The following NBPF26 variants were observed in gnomAD, a reference collection of about 807,000 sequenced individuals.
NBPF26 encodes NBPF member 26.
NBPF26 carries 79 observed loss-of-function variants against 119.6 expected under a neutral mutation model. The ratio of observed to expected loss-of-function variants is 0.66; its 90% CI spans 0.55 to 0.80. The LOEUF (loss-of-function observed/expected upper bound fraction) is 0.80, where lower values mean the gene tolerates loss of function less well. NBPF26 is among the 30% of genes least tolerant of loss of function. NBPF26 has a pLI of 0.00. For synonymous variants in NBPF26, 299 were observed against 457.7 expected (o/e 0.65, Z 4.43); for missense variants, 800 against 1,198.2 (o/e 0.67, Z 4.91).
chr1:120,785,015 A>G (rs1651405317), exon 3 of NBPF26: 1 of 1,421,888 alleles, frequency 7.0e-7, no homozygotes, highest in African/African-American at 2.7e-5. Flanking sequence ...CAACATCGAG[A>G]CCCCTGTGAG....
rs1369284772 is a variant in NBPF26 at position 120,767,898 on chromosome 1, TTGTC to T, written c.155+4192_155+4195del. On this transcript the variant is annotated intron_variant, in intron 2 of 29. Coordinates refer to ENST00000620612, the Ensembl canonical transcript of NBPF26. ...CATTTATTGTAGTTATTTAAAATCT[TTGTC>T]TGCTGGTTCTTAACAACTGGGTTGT... is the stretch of plus-strand genomic sequence containing the variant. Among the ~76,000 whole-genome samples the T allele has an allele frequency of 1.7e-5, 2 of 116,668 alleles. 1 individual carries two copies. The highest frequency in any genetic ancestry group is 3.3e-5 in the Non-Finnish European group (2 of 60,966). The allele number at this position is 116,668 out of a possible 152,430, so 76.5% of individuals were successfully genotyped here.
At chr1:120,804,982 A>C (rs1651645884) in intron 4 of NBPF26, among the ~76,000 whole-genome samples, 1 of 119,756 alleles carries the variant, frequency 8.4e-6, no homozygotes, top group South Asian at 2.5e-4. Context: ...AACTGAGAGC[A>C]GGTGGGGTGA....
At chr1:120,806,991 C>T (rs1651707826) in intron 5 of NBPF26, among the ~76,000 whole-genome samples, 1 of 128,764 alleles carries the variant, frequency 7.8e-6, no homozygotes, top group African/African-American at 3.6e-5. Flanking sequence ...TATGCTGTTT[C>T]TAAATTAACA....
In NBPF26 at chr1:120,811,568, A is replaced by G. The variant is rs1337997393; in HGVS notation, c.1565-318A>G. On this transcript the variant is annotated intron_variant, in intron 9 of 29. Coordinates refer to ENST00000620612, the Ensembl canonical transcript of NBPF26. ...TCAAACAAAAAAACCAAAAAAGAAA[A>G]TTAAGCAAAACGAAATCTTTTGTGC... is the stretch of plus-strand genomic sequence containing the variant. Among the ~76,000 whole-genome samples, 429 of 113,160 alleles carry G rather than the reference A, an allele frequency of 3.8e-3. 131 individuals carry two copies. The highest frequency in any genetic ancestry group is 5.9e-3 in the Non-Finnish European group (344 of 57,926). 74.2% of individuals were successfully genotyped at this position (113,160 alleles called of 152,430 possible).
intron 1 of NBPF26, 148 bp downstream of exon 1, chr1:120,724,398 G>T: frequency 7.4e-7 from 1 of 1,346,342 alleles, no homozygotes; most frequent in South Asian, 1.3e-5. Flanking sequence ...CCAAGAGTTT[G>T]GACATCGCCG....
In NBPF26 at chr1:120,776,144, A is replaced by G. The variant is rs1651305032; in HGVS notation, c.156-8830A>G. Among the ~76,000 whole-genome samples, 5 of 116,742 alleles carry G rather than the reference A, an allele frequency of 4.3e-5. 2 individuals carry two copies. Among genetic ancestry groups the G allele is most frequent in the Admixed American group, 4.1e-4 (5 of 12,220 alleles). 76.6% of individuals were successfully genotyped at this position (116,742 alleles called of 152,430 possible). The stretch of plus-strand genomic sequence containing the variant: ...GTTGAATGCCTTCTATATGCCAGTC[A>G]TTGTGTTAGGCACTGGGAGTATGAG... On this transcript the variant is annotated intron_variant, in intron 2 of 29. Transcript: ENST00000620612.
intron 3 of NBPF26, among the ~76,000 whole-genome samples, chr1:120,791,771 G>T (rs1173214420): frequency 1.4e-5 from 1 of 73,934 alleles, no homozygotes; most frequent in African/African-American, 1.3e-4. Context: ...TGTTGTGCAC[G>T]TGTACCCTAG....
rs1650795294 is a variant in NBPF26, at chr1:120,724,552, G to T, written c.73+302G>T. On this transcript the variant is annotated intron_variant, in intron 1 of 29. Transcript: ENST00000620612. ...AACTCCTTTTTCGTAGTGCCAGGGT[G>T]CAGGGAGGTGGGCAGTTTTGCCCTT... 2.6e-5 allele frequency among the ~76,000 whole-genome samples: 3 copies of T among 116,256 alleles called. 1 individual carries two copies. The highest frequency in any genetic ancestry group is 4.7e-5 in the African/African-American group (1 of 21,054). 76.3% of individuals were successfully genotyped at this position (116,256 alleles called of 152,430 possible).
intron 16 of NBPF26, 42 bp downstream of exon 16, chr1:120,822,309 GCCCAGGTAGAC>G: frequency 1.2e-6 from 1 of 817,744 alleles, no homozygotes; most frequent in Non-Finnish European, 1.8e-6. Flanking sequence ...CCAGTTCATG[GCCCAGGTAGAC>G]CCCATAATCT....
At chr1:120,806,975 TAAG>T (rs1571034327) in intron 5 of NBPF26, among the ~76,000 whole-genome samples, 8,318 of 127,464 alleles carry the variant, frequency 0.065, 2,541 homozygotes, top group African/African-American at 0.21. Flanking sequence ...TAACACTAAC[TAAG>T]CTTATGCTGT....
At position 120,819,327 on chromosome 1, in the gene NBPF26, G is replaced by T. The variant is rs1283251480; in HGVS notation, c.2423+1153G>T. 8.8e-4 allele frequency among the ~76,000 whole-genome samples: 100 copies of T among 113,806 alleles called. 3 individuals carry two copies. Among genetic ancestry groups the T allele is most frequent in the African/African-American group, 4.1e-3 (81 of 19,610 alleles). The allele number at this position is 113,806 out of a possible 152,430, so 74.7% of individuals were successfully genotyped here. A position where few individuals can be genotyped will look rare whatever the true frequency, so the allele number is the denominator to read the frequency against. On this transcript the variant is annotated intron_variant, in intron 15 of 29. Transcript: ENST00000620612. ...CCTGCCTTTTTTTTGTTTTCCATTT[G>T]CTTGGTAGATCTTCCTCCATCCCTT...
chr1:120,749,728 G>A lies in NBPF26; in HGVS notation c.74-13900G>A, dbSNP rs1398155031. ...AAAATTCTAAACAATTTCAGTCATA[G>A]GGTAGTTTTTTTTTTTTTTTCCTGG... On this transcript the variant is annotated intron_variant, in intron 1 of 29. Coordinates refer to ENST00000620612, the Ensembl canonical transcript of NBPF26. 8.3e-4 allele frequency among the ~76,000 whole-genome samples: 20 copies of A among 24,080 alleles called. 10 individuals carry two copies. In the African/African-American group the frequency reaches 0.013, roughly 16 times the overall value. 15.8% of individuals were successfully genotyped at this position (24,080 alleles called of 152,430 possible).
chr1:120,823,990 C>T (rs1553272406), exon 18 of NBPF26: 10 of 869,234 alleles, frequency 1.2e-5, no homozygotes, highest in East Asian at 2.5e-5. Flanking sequence ...CAGAGAGCTG[C>T]TGGATGAGAA....
At position 120,812,127 on chromosome 1, in the gene NBPF26, G is replaced by C; in HGVS notation, c.1774+32G>C. On this transcript the variant is annotated intron_variant, in intron 10 of 29. Transcript: ENST00000620612. ...TCTATTGGCTCACCATCACGAAAGT[G>C]ATGAACGAGGTCCTGTCTTCTCTCT... 11 of 1,086,298 alleles carry C rather than the reference G, an allele frequency of 1.0e-5. No individual in the cohort carries two copies. The East Asian group carries it at 2.6e-4, about 26-fold the overall frequency. The allele number at this position is 1,086,298 out of a possible 1,614,324, so 67.3% of individuals were successfully genotyped here. A position where few individuals can be genotyped will look rare whatever the true frequency, so the allele number is the denominator to read the frequency against.
intron 1 of NBPF26, among the ~76,000 whole-genome samples, chr1:120,753,275 G>C (rs1651046250): frequency 8.9e-6 from 1 of 112,678 alleles, no homozygotes; most frequent in Non-Finnish European, 1.7e-5. Flanking sequence ...CTGGAATTTG[G>C]GTACAGGAAT....
chr1:120,840,676 A>C (rs1652500067), downstream of NBPF26: 4 of 1,416,938 alleles, frequency 2.8e-6, no homozygotes, highest in Non-Finnish European at 3.8e-6. Flanking sequence ...GTACAGTTCC[A>C]TTTGGAAGCC....
chr1:120,823,696 G>T (rs1553272328), intron 17 of NBPF26, among the ~76,000 whole-genome samples: 1 of 118,772 alleles, frequency 8.4e-6, no homozygotes, highest in African/African-American at 4.2e-5. Context: ...CACAAATACA[G>T]AGTGTCCTTT....
chr1:120,789,446 C>G lies in NBPF26; in HGVS notation c.416-3715C>G, dbSNP rs1415416429. On this transcript the variant is annotated intron_variant, in intron 3 of 29. Coordinates refer to ENST00000620612, the Ensembl canonical transcript of NBPF26. The stretch of plus-strand genomic sequence containing the variant: ...GAGGCCTCAGAATTATGGTGGGAGG[C>G]AAAAGGCACTTCTTTCGTGGTGGTG... Among the ~76,000 whole-genome samples the G allele has an allele frequency of 8.2e-5, 9 of 110,018 alleles. 1 individual carries two copies. The highest frequency in any genetic ancestry group is 1.5e-4 in the Non-Finnish European group (9 of 58,682). The allele number at this position is 110,018 out of a possible 152,430, so 72.2% of individuals were successfully genotyped here.
chr1:120,760,466 C>T (rs1235341214), intron 1 of NBPF26, among the ~76,000 whole-genome samples: 2 of 124,124 alleles, frequency 1.6e-5, no homozygotes, highest in East Asian at 4.0e-4. Flanking sequence ...AGCCACTGTG[C>T]CCAGCCTATC....
Sources: gnomAD v4.1 joint callset for allele counts (sites outside exome capture counted in the v4.1 genomes callset) on GRCh38, gnomAD v4.1.1 for gene constraint, MANE v1.5 for transcripts, NCBI Gene and HGNC (gene_info 2026-07-23, HGNC 2026-07-21) for gene names.